Variants in PLEKHG7 observed in about 807,000 individuals in gnomAD.
The protein encoded by PLEKHG7 is pleckstrin homology domain-containing family G member 7.
Under a neutral mutation model 85.2 loss-of-function variants are expected in PLEKHG7, and 77 were observed. That is an observed-to-expected ratio of 0.90 (90% confidence interval 0.75 to 1.09). The LOEUF (loss-of-function observed/expected upper bound fraction) is 1.09, where lower values mean the gene tolerates loss of function less well. PLEKHG7 is among the 50% of genes least tolerant of loss of function. The pLI is 0.00. For synonymous variants in PLEKHG7, 301 were observed against 302.4 expected, an observed-to-expected ratio of 1.00 and a Z score of 0.05; for missense variants, 777 against 804.3, an observed-to-expected ratio of 0.97 and a Z score of 0.41.
chr12:92,737,749 G>GAGGAAGGAAGGGAAGGA (rs71069178), intron 7 of PLEKHG7, among the ~76,000 whole-genome samples: 1 of 125,932 alleles, frequency 7.9e-6, no homozygotes, highest in Non-Finnish European at 1.6e-5. Context: ...GGGAGGGAGG[G>GAGGAAGGAAGGGAAGGA]AGGAAGGAAG....
intron 3 of PLEKHG7, among the ~76,000 whole-genome samples, chr12:92,719,833 A>G (rs1204802374): frequency 6.6e-6 from 1 of 152,246 alleles, no homozygotes; most frequent in Admixed American, 6.5e-5. Context: ...TGCCAAGATA[A>G]AGGTCACCAC....
At position 92,727,960 on chromosome 12, in the gene PLEKHG7, G is replaced by GTA. The variant is rs1361201955; in HGVS notation, c.531-1032_531-1031insAT. Among the ~76,000 whole-genome samples the GTA allele has an allele frequency of 5.7e-3, 592 of 103,884 alleles. 76 individuals carry two copies. Among genetic ancestry groups the GTA allele is most frequent in the South Asian group, 0.021 (72 of 3,350 alleles). 68.2% of individuals were successfully genotyped at this position (103,884 alleles called of 152,430 possible). On this transcript the variant is annotated intron_variant, in intron 3 of 16. Transcript: ENST00000344636. Reference sequence around the variant, plus strand: ...TGTGTGTGTGTGTGTGTGTGTGTGTGTGTATATATATATATACACATATAT... The same window carrying GTA: ...TGTGTGTGTGTGTGTGTGTGTGTGTGTATGTATATATATATATACACATATAT...
intron 7 of PLEKHG7, among the ~76,000 whole-genome samples, 198 bp downstream of exon 7, chr12:92,737,719 G>A (rs1325582634): frequency 9.6e-6 from 1 of 104,702 alleles, no homozygotes; most frequent in Non-Finnish European, 2.1e-5. Context: ...AGAAGAGGGA[G>A]GGAAGGAAGG....
chr12:92,768,864 C>T (rs1269556084), intron 15 of PLEKHG7, 119 bp from the exon 16 acceptor site: 1 of 637,910 alleles, frequency 1.6e-6, no homozygotes, highest in South Asian at 2.4e-5. Flanking sequence ...AAACCTCCCA[C>T]CCTCGTTAAA....
chr12:92,757,598 T>G (rs1872870402), intron 13 of PLEKHG7, among the ~76,000 whole-genome samples: 1 of 152,234 alleles, frequency 6.6e-6, no homozygotes, highest in African/African-American at 2.4e-5. Context: ...TTTTCATACA[T>G]TGTCTCTTTC....
intron 13 of PLEKHG7, among the ~76,000 whole-genome samples, chr12:92,757,548 A>T (rs1872868887): frequency 6.6e-6 from 1 of 152,220 alleles, no homozygotes; most frequent in Non-Finnish European, 1.5e-5. Flanking sequence ...GCTGTTAAAT[A>T]AGGAAGATAG....
In PLEKHG7 at chr12:92,754,144, G is replaced by A; in HGVS notation, c.1306G>A (p.Ala436Thr). The change falls in exon 11 of 17, where the codon GCC becomes ACC. Residue 436 changes from alanine (A) to threonine (T), a missense_variant. Transcript: ENST00000344636. ...RRLHVPELLV[A>T]PLQRLTRYPL... ...GCTCCACGTGCCAGAGCTGCTAGTGGCCCCACTACAGAGGCTCACTCGATA... is the reference window on the plus strand; with the variant it reads ...GCTCCACGTGCCAGAGCTGCTAGTGACCCCACTACAGAGGCTCACTCGATA... 1 of 1,614,032 alleles carries A rather than the reference G, an allele frequency of 6.2e-7. No individual in the cohort carries two copies. Among genetic ancestry groups the A allele is most frequent in the Non-Finnish European group, 8.5e-7 (1 of 1,179,944 alleles).
chr12:92,761,832 G>A lies in PLEKHG7; in HGVS notation c.1716+1G>A, dbSNP rs775593312. On this transcript the variant is annotated splice_donor_variant, in intron 14 of 16. Transcript: ENST00000344636. LOFTEE classifies it high-confidence loss of function. Reference sequence around the variant, plus strand: ...TACGAAAACTAAGTGCAACAAAAAGGTAAAATGCTGCTATTTCAAAGTACG... The same window carrying A: ...TACGAAAACTAAGTGCAACAAAAAGATAAAATGCTGCTATTTCAAAGTACG... 1 of 1,570,888 alleles carries A rather than the reference G, an allele frequency of 6.4e-7. No individual in the cohort carries two copies. Among genetic ancestry groups the A allele is most frequent in the Non-Finnish European group, 8.6e-7 (1 of 1,165,368 alleles).
At chr12:92,763,658 A>C (rs1244987085) in intron 14 of PLEKHG7, among the ~76,000 whole-genome samples, 1 of 151,976 alleles carries the variant, frequency 6.6e-6, no homozygotes, top group Non-Finnish European at 1.5e-5. Flanking sequence ...CTACAAAAAA[A>C]TTAAAAAATT....
intron 3 of PLEKHG7, among the ~76,000 whole-genome samples, chr12:92,716,296 C>T (rs1453249409): frequency 6.6e-6 from 1 of 152,120 alleles, no homozygotes; most frequent in Non-Finnish European, 1.5e-5. Context: ...AGGATTTCGT[C>T]ATTGTTGGCC....
chr12:92,754,679 C>T (rs1010003754), intron 11 of PLEKHG7, among the ~76,000 whole-genome samples: 2 of 152,142 alleles, frequency 1.3e-5, no homozygotes, highest in African/African-American at 2.4e-5. Flanking sequence ...TCACCGAAAG[C>T]CAGGGTCAAT....
In PLEKHG7 at chr12:92,764,123, G is replaced by A; in HGVS notation, c.1799G>A (p.Cys600Tyr). The change falls in exon 15 of 17, where the codon TGT becomes TAT. Residue 600 changes from cysteine to tyrosine, a missense_variant. Cys to Tyr is a radical substitution (Grantham distance 194, BLOSUM62 -2). Around this residue, in one of 3 missense-constraint regions of PLEKHG7, gnomAD observed 520 missense variants for 544.0 expected, o/e 0.96. Transcript: ENST00000344636. The stretch of plus-strand genomic sequence containing the variant: ...GCAGTAATAAAAGAGGGTGGTTCGT[G>A]TACAGTACTCGATCAGCCTATTCCA... The part of the protein sequence containing the change: ...LQAVIKEGGS[C>Y]TVLDQPIPLD... 6.2e-7 allele frequency: 1 copy of A among 1,612,692 alleles called. No individual in the cohort carries two copies.
chr12:92,747,478 A>C (rs943849587), intron 10 of PLEKHG7, among the ~76,000 whole-genome samples: 10 of 152,246 alleles, frequency 6.6e-5, no homozygotes, highest in African/African-American at 2.4e-4. Context: ...AAATTAGTGC[A>C]GTTGTTATAG....
rs149205825 is a variant in PLEKHG7 at position 92,745,477 on chromosome 12, G to C, written c.1138-1G>C. 6.2e-7 allele frequency: 1 copy of C among 1,603,466 alleles called. No homozygotes were observed. Among genetic ancestry groups the C allele is most frequent in the Non-Finnish European group, 8.5e-7 (1 of 1,170,486 alleles). Reference sequence around the variant, plus strand: ...CTCCTTCTGCTCTTCCTTTCTTGCAGTATTTCCGAGGGAGTCTCTGTCAGA... The same window carrying C: ...CTCCTTCTGCTCTTCCTTTCTTGCACTATTTCCGAGGGAGTCTCTGTCAGA... On this transcript the variant is annotated splice_acceptor_variant, in intron 9 of 16. Transcript: ENST00000344636. LOFTEE classifies it high-confidence loss of function.
chr12:92,746,567 T>G (rs1872538558), intron 10 of PLEKHG7, among the ~76,000 whole-genome samples: 1 of 152,226 alleles, frequency 6.6e-6, no homozygotes, highest in Non-Finnish European at 1.5e-5. Flanking sequence ...ATAATCATAT[T>G]GCAAATGTTT....
chr12:92,769,373 G>A (rs1255707986), intron 16 of PLEKHG7, among the ~76,000 whole-genome samples: 1 of 152,152 alleles, frequency 6.6e-6, no homozygotes, highest in Non-Finnish European at 1.5e-5. Context: ...AGAACTGCCT[G>A]CGTTCTACAG....
intron 13 of PLEKHG7, among the ~76,000 whole-genome samples, chr12:92,758,993 C>A: frequency 6.6e-6 from 1 of 152,186 alleles, no homozygotes; most frequent in East Asian, 1.9e-4. Context: ...AATTTAAATT[C>A]TCTTATTCTC....
chr12:92,706,736 CCA>C lies in PLEKHG7; in HGVS notation c.106_107del (p.Gln36ValfsTer2). On this transcript the variant is annotated frameshift_variant, in exon 2 of 17. Transcript: ENST00000344636. LOFTEE classifies it high-confidence loss of function. Reference protein sequence around the residue: ...SLPKNQGSLLQFDRQAPGRIS... With the variant: ...SLPKNQGSLLXFDRQAPGRIS... ...TGCCAAAGAACCAGGGGAGTCTCCT[CCA>C]GTTTGACCGGCAAGCCCCAGGCCGC... The C allele has an allele frequency of 6.2e-7, 1 of 1,614,092 alleles. No homozygotes were observed. The highest frequency in any genetic ancestry group is 8.5e-7 in the Non-Finnish European group (1 of 1,180,028).
At chr12:92,716,967 A>G (rs749573447) in intron 3 of PLEKHG7, among the ~76,000 whole-genome samples, 1 of 152,218 alleles carries the variant, frequency 6.6e-6, no homozygotes, top group African/African-American at 2.4e-5. Flanking sequence ...GCATTTTAAC[A>G]AAAGACAGCT....
Sources: gnomAD v4.1 joint callset for allele counts (sites outside exome capture counted in the v4.1 genomes callset) on GRCh38, gnomAD v4.1.1 for gene constraint, gnomAD v4.1.1 regional missense constraint, MANE v1.5 for transcripts, NCBI Gene and HGNC (gene_info 2026-07-23, HGNC 2026-07-21) for gene names.